KCNQ2: variants seen among roughly 807,000 people sequenced by gnomAD.
The protein encoded by KCNQ2 is potassium voltage-gated channel subfamily KQT member 2.
A neutral mutation model predicts 84.8 loss-of-function variants in KCNQ2; 14 were observed. The observed-to-expected ratio is 0.17, with a 90% CI of 0.11 to 0.26. The LOEUF is 0.26. Among genes scored for constraint, KCNQ2 ranks in the 10% least tolerant of loss-of-function variants. The pLI, the probability that KCNQ2 is intolerant of heterozygous loss-of-function variation, is 1.00. For missense variants in KCNQ2, 788 were observed against 1,254.0 expected (o/e 0.63, Z 5.61); for synonymous variants, 599 against 554.1 (o/e 1.08, Z -1.14).
In KCNQ2 at chr20:63,413,444, T is replaced by C; in HGVS notation, c.1763+6A>G. 6.2e-7 allele frequency: 1 copy of C among 1,612,924 alleles called. No individual in the cohort carries two copies. The highest frequency in any genetic ancestry group is 8.5e-7 in the Non-Finnish European group (1 of 1,179,936). ...CCCCTGCTGGACAGGCAGGCGGGGC[T>C]CTTGCCTGGACTGCAGGCTCTTAAT... is the stretch of plus-strand genomic sequence containing the variant. On this transcript the variant is annotated splice_donor_region_variant and intron_variant, in intron 15 of 16. Transcript: ENST00000359125.
At position 63,446,988 on chromosome 20, in the gene KCNQ2, AC is replaced by A. The variant is rs1600798107; in HGVS notation, c.297-152del. ...GAACGCAGGACCCCACTCCCCACCCACCCCACCAGAGCTCGCTCGGGCCAGA... is the reference window on the plus strand; with the variant it reads ...GAACGCAGGACCCCACTCCCCACCCACCCACCAGAGCTCGCTCGGGCCAGA... On this transcript the variant is annotated intron_variant, in intron 1 of 16. Coordinates refer to ENST00000359125, the MANE Select transcript of KCNQ2 (RefSeq NM_172107.4). This position sits in a 1 kb window ranked among gnomAD's most constrained non-coding sequence, Gnocchi z 5.5. 1.5e-6 allele frequency: 1 copy of A among 688,840 alleles called. No individual in the cohort carries two copies. Among genetic ancestry groups the A allele is most frequent in the East Asian group, 2.8e-5 (1 of 35,648 alleles). 42.7% of individuals were successfully genotyped at this position (688,840 alleles called of 1,614,324 possible). A position where few individuals can be genotyped will look rare whatever the true frequency, so the allele number is the denominator to read the frequency against.
At chr20:63,445,106 A>C in intron 3 of KCNQ2, 132 bp downstream of exon 3, 2 of 1,265,658 alleles carry the variant, frequency 1.6e-6, no homozygotes, top group East Asian at 2.4e-5. Context: ...GCAGGTGAAA[A>C]GAAACTTCCA....
intron 4 of KCNQ2, chr20:63,443,864 T>C (rs1000345453): frequency 6.6e-6 from 1 of 152,186 alleles, no homozygotes; most frequent in Non-Finnish European, 1.5e-5. Flanking sequence ...CAGCCCACCG[T>C]GCCCTCCAGG....
At position 63,472,206 on chromosome 20, in the gene KCNQ2, C is replaced by T. The variant is rs924667703; in HGVS notation, c.258G>A (p.Glu86=). The T allele has an allele frequency of 3.2e-6, 5 of 1,546,700 alleles. No individual in the cohort carries two copies. Among genetic ancestry groups the T allele is most frequent in the Non-Finnish European group, 4.4e-6 (5 of 1,147,680 alleles). Residue 86 remains glutamate, a synonymous_variant, in exon 1 of 17, where the codon GAG becomes GAA. Coordinates refer to ENST00000359125, the MANE Select transcript of KCNQ2 (RefSeq NM_172107.4). The part of the protein sequence containing the change: ...KLQNFLYNVL[E]RPRGWAFIYH... Reference sequence around the variant, plus strand: ...AGATGAACGCCCAGCCGCGCGGCCGCTCCAGCACGTTGTAGAGGAAATTCT... The same window carrying T: ...AGATGAACGCCCAGCCGCGCGGCCGTTCCAGCACGTTGTAGAGGAAATTCT...
At chr20:63,411,973 A>T in intron 15 of KCNQ2, 1 of 669,038 alleles carries the variant, frequency 1.5e-6, no homozygotes, top group South Asian at 1.6e-5. Flanking sequence ...CGGAAACGGA[A>T]GCAACAGGGA....
chr20:63,420,751 G>T (rs1254621182), intron 11 of KCNQ2, among the ~76,000 whole-genome samples: 1 of 152,100 alleles, frequency 6.6e-6, no homozygotes, highest in African/African-American at 2.4e-5. Context: ...CCACCAGCCT[G>T]CAAGACTCCA....
chr20:63,462,459 C>A (rs2081982506), intron 1 of KCNQ2, among the ~76,000 whole-genome samples: 1 of 152,138 alleles, frequency 6.6e-6, no homozygotes, highest in South Asian at 2.1e-4. Flanking sequence ...AGGGCATCTG[C>A]CCCCACATCA....
chr20:63,456,310 C>T (rs1043565006), intron 1 of KCNQ2, among the ~76,000 whole-genome samples: 4 of 152,208 alleles, frequency 2.6e-5, no homozygotes, highest in Non-Finnish European at 5.9e-5. Flanking sequence ...TCGCTTCATG[C>T]ACTTGGGGAA....
rs750108040 is a variant in KCNQ2 at position 63,406,793 on chromosome 20, C to G, written c.2470G>C (p.Val824Leu). 3.7e-6 allele frequency: 6 copies of G among 1,612,616 alleles called. No individual in the cohort carries two copies. Among genetic ancestry groups the G allele is most frequent in the East Asian group, 2.2e-5 (1 of 44,878 alleles). The change falls in exon 17 of 17, where the codon GTG (valine) becomes CTG (leucine). Residue 824 changes from valine to leucine, a missense_variant. Physicochemically the swap from Val to Leu is conservative, Grantham distance 32. Around this residue, in one of 8 missense-constraint regions of KCNQ2, gnomAD observed 378 missense variants for 434.5 expected, o/e 0.87. Coordinates refer to ENST00000359125, the MANE Select transcript of KCNQ2 (RefSeq NM_172107.4). Reference sequence around the variant, plus strand: ...GGCCTGACTTTGGCACAAGGCGCCACGGCCGCGTAGCAGCTGTTGAGAGCA... The same window carrying G: ...GGCCTGACTTTGGCACAAGGCGCCAGGGCCGCGTAGCAGCTGTTGAGAGCA... ...LDALNSCYAA[V>L]APCAKVRPYI...
chr20:63,442,397 A>G lies in KCNQ2; in HGVS notation c.816+9T>C, dbSNP rs772235691. The G allele has an allele frequency of 3.5e-5, 57 of 1,613,664 alleles. No homozygotes were observed. The highest frequency in any genetic ancestry group is 6.7e-5 in the Admixed American group (4 of 59,966). ...AGGGAAAGGGAAAACCACAATGACC[A>G]CAACTCACCAGGCCCCACCAGAGTG... On this transcript the variant is annotated intron_variant, in intron 5 of 16. Coordinates refer to ENST00000359125, the MANE Select transcript of KCNQ2 (RefSeq NM_172107.4).
At position 63,400,867 on chromosome 20, in the gene KCNQ2, C is replaced by A; in HGVS notation, c.*5777G>T. The stretch of plus-strand genomic sequence containing the variant: ...CCCTTGGGCCCCTCGCCCGCCCCAC[C>A]TGTTCGCAGGGTCCAGGGCGTCCGT... On this transcript the variant is annotated 3_prime_UTR_variant, in exon 17 of 17. Transcript: ENST00000359125. The surrounding 1 kb of genome is among the most constrained non-coding windows in gnomAD (Gnocchi z 8.7). The A allele has an allele frequency of 2.5e-6, 1 of 398,482 alleles. No homozygotes were observed. Among genetic ancestry groups the A allele is most frequent in the Non-Finnish European group, 4.4e-6 (1 of 225,940 alleles). The allele number at this position is 398,482 out of a possible 1,614,324, so 24.7% of individuals were successfully genotyped here.
chr20:63,441,469 ACATTT>A (rs1406062287), intron 5 of KCNQ2, among the ~76,000 whole-genome samples: 5 of 152,180 alleles, frequency 3.3e-5, no homozygotes, highest in Non-Finnish European at 7.3e-5. Context: ...TAACTCTCTG[ACATTT>A]AAAAATATAC....
At position 63,431,378 on chromosome 20, in the gene KCNQ2, T is replaced by G; in HGVS notation, c.1119-9A>C. The G allele has an allele frequency of 2.5e-6, 4 of 1,613,580 alleles. No homozygotes were observed. The highest frequency in any genetic ancestry group is 3.4e-6 in the Non-Finnish European group (4 of 1,179,844). On this transcript the variant is annotated splice_polypyrimidine_tract_variant and intron_variant, in intron 8 of 16. Transcript: ENST00000359125. ...AGGTTTGAGTTTGCGAACTTTCAAG[T>G]GTTTCCACACACACAAAGGGAAAAG...
At chr20:63,471,808 G>C in intron 1 of KCNQ2, 1 of 212,328 alleles carries the variant, frequency 4.7e-6, no homozygotes, top group Non-Finnish European at 9.2e-6. Flanking sequence ...GAGTCCCGGA[G>C]AGTCCAGACC....
At chr20:63,454,001 A>G (rs1025578803) in intron 1 of KCNQ2, among the ~76,000 whole-genome samples, 8 of 152,178 alleles carry the variant, frequency 5.3e-5, no homozygotes, top group Non-Finnish European at 1.0e-4. Flanking sequence ...CAGGTCCCAA[A>G]TGTTCAGGAC....
chr20:63,406,643 C>A lies in KCNQ2; in HGVS notation c.*1G>T. 1 of 1,589,226 alleles carries A rather than the reference C, an allele frequency of 6.3e-7. No homozygotes were observed. The highest frequency in any genetic ancestry group is 2.3e-5 in the East Asian group (1 of 44,264). On this transcript the variant is annotated 3_prime_UTR_variant, in exon 17 of 17. Coordinates refer to ENST00000359125, the MANE Select transcript of KCNQ2 (RefSeq NM_172107.4). ...GGCGGGTCCACTGGCCCAGCGCCGC[C>A]TCACTTCCTGGGCCCGGCCCAGCCC...
chr20:63,410,101 A>AG, intron 15 of KCNQ2: 1 of 197,322 alleles, frequency 5.1e-6, no homozygotes, highest in Non-Finnish European at 1.0e-5. Flanking sequence ...CTCATGCAAT[A>AG]GGGCCAGGAG....
At chr20:63,431,954 A>ATGAACCCACAGGGAAGGC (rs1568912205) in intron 8 of KCNQ2, among the ~76,000 whole-genome samples, 3 of 94,320 alleles carry the variant, frequency 3.2e-5, no homozygotes, top group Admixed American at 3.2e-4. Flanking sequence ...TCAGGGTAGG[A>ATGAACCCACAGGGAAGGC]TCCACCCACA....
intron 1 of KCNQ2, among the ~76,000 whole-genome samples, chr20:63,452,091 T>C (rs570863631): frequency 2.0e-5 from 3 of 152,368 alleles, no homozygotes; most frequent in Admixed American, 1.3e-4. Context: ...GGCCTGGCAC[T>C]GCTCAGCCAC....
Sources: allele counts gnomAD v4.1 joint callset (sites outside exome capture counted in the v4.1 genomes callset), GRCh38; gene constraint gnomAD v4.1.1; regional missense constraint gnomAD v4.1.1; non-coding constraint Gnocchi (gnomAD v3.1); transcripts MANE v1.5; gene names NCBI Gene and HGNC (gene_info 2026-07-23, HGNC 2026-07-21).